The following ABTB2 variants were observed in gnomAD, a reference collection of about 807,000 sequenced individuals.
ABTB2 encodes ankyrin repeat and BTB domain containing 2, also known as ankyrin repeat and BTB/POZ domain-containing protein 2.
ABTB2 carries 56 observed loss-of-function variants against 104.1 expected under a neutral mutation model. That is an observed-to-expected ratio of 0.54 (90% CI 0.43 to 0.67). The LOEUF (loss-of-function observed/expected upper bound fraction) is 0.67. Among genes scored for constraint, ABTB2 ranks in the 30% least tolerant of loss-of-function variants. The pLI is 0.00. For synonymous variants in ABTB2, 606 were observed against 608.2 expected (o/e 1.00, Z 0.05); for missense variants, 1,279 against 1,407.7 (o/e 0.91, Z 1.46).
At chr11:34,293,374 G>A (rs1163682980) in intron 1 of ABTB2, among the ~76,000 whole-genome samples, 1 of 152,124 alleles carries the variant, frequency 6.6e-6, no homozygotes, top group African/African-American at 2.4e-5. Flanking sequence ...TAGTACTTGC[G>A]AAGTGACTCT....
Position 34,331,077 on chromosome 11 carries a change from C to G in ABTB2, c.883+25624G>C, listed in dbSNP as rs368206475. Among the ~76,000 whole-genome samples the G allele has an allele frequency of 2.2e-4, 33 of 152,212 alleles. No homozygotes were observed. In the South Asian group the frequency reaches 6.8e-3, roughly 32 times the overall value. ...TGTTCCACCAGCACATCCCATAAAACGAGGGAGTTCTGGGTTTCAAATGGG... is the reference window on the plus strand; with the variant it reads ...TGTTCCACCAGCACATCCCATAAAAGGAGGGAGTTCTGGGTTTCAAATGGG... On this transcript the variant is annotated intron_variant, in intron 1 of 16. Coordinates refer to ENST00000435224, the MANE Select transcript of ABTB2 (RefSeq NM_145804.3).
In ABTB2 at chr11:34,210,359, C is replaced by T. The variant is rs572444436; in HGVS notation, c.884-5669G>A. 1.3e-5 allele frequency among the ~76,000 whole-genome samples: 2 copies of T among 152,350 alleles called. 1 individual carries two copies. Among genetic ancestry groups the T allele is most frequent in the South Asian group, 4.1e-4 (2 of 4,832 alleles). On this transcript the variant is annotated intron_variant, in intron 1 of 16. Transcript: ENST00000435224. ...CACCATTTAACTTGTGAATTGTCAACAGTGGGAACACAGAGACCTTGTTTT... is the reference window on the plus strand; with the variant it reads ...CACCATTTAACTTGTGAATTGTCAATAGTGGGAACACAGAGACCTTGTTTT...
At chr11:34,348,625 A>C (rs1244293676) in intron 1 of ABTB2, among the ~76,000 whole-genome samples, 2 of 152,136 alleles carry the variant, frequency 1.3e-5, no homozygotes, top group African/African-American at 4.8e-5. Flanking sequence ...CCTTCCACCC[A>C]GACAGCCAGG....
In ABTB2 at chr11:34,171,052, A is replaced by C. The variant is rs776851878; in HGVS notation, c.1417T>G (p.Ser473Ala). 1 of 1,614,162 alleles carries C rather than the reference A, an allele frequency of 6.2e-7. No individual in the cohort carries two copies. The highest frequency in any genetic ancestry group is 8.5e-7 in the Non-Finnish European group (1 of 1,180,012). Residue 473 changes from serine to alanine, a missense_variant, in exon 5 of 17, where the codon TCC becomes GCC. Physicochemically the swap from Ser to Ala is moderately conservative, Grantham distance 99. Transcript: ENST00000435224. ...GCTCGGGCATCCAGCCTCCGGAAGG[A>C]ACTGAAACAGTGTTCGGGTCTGCCC... ...RQLKPEHCFS[S>A]FRRLDARAAT... is the part of the protein sequence containing the mutation.
intron 1 of ABTB2, among the ~76,000 whole-genome samples, chr11:34,337,284 G>A (rs1590261690): frequency 6.6e-6 from 1 of 152,310 alleles, no homozygotes; most frequent in East Asian, 1.9e-4. Flanking sequence ...AGGAGGCAGG[G>A]GTTGAGGAGG....
chr11:34,198,703 A>G (rs1475377341), intron 2 of ABTB2, among the ~76,000 whole-genome samples: 1 of 152,048 alleles, frequency 6.6e-6, no homozygotes, highest in Non-Finnish European at 1.5e-5. Flanking sequence ...ATATCCTGTG[A>G]TGTGTTTCTA....
intron 1 of ABTB2, among the ~76,000 whole-genome samples, chr11:34,218,990 T>C (rs562043682): frequency 3.2e-4 from 49 of 152,244 alleles, no homozygotes; most frequent in African/African-American, 1.1e-3. Context: ...AAATTTACCA[T>C]GCTGTTCTCA....
At chr11:34,286,498 G>T (rs1854508016) in intron 1 of ABTB2, among the ~76,000 whole-genome samples, 1 of 152,030 alleles carries the variant, frequency 6.6e-6, no homozygotes, top group Non-Finnish European at 1.5e-5. Context: ...TCACCATGTT[G>T]TCCAGGCTGG....
intron 3 of ABTB2, among the ~76,000 whole-genome samples, chr11:34,193,857 G>A (rs2982600): frequency 0.62 from 94,344 of 152,028 alleles, 29,456 homozygotes; most frequent in South Asian, 0.66. Context: ...TTCCCTGCAA[G>A]GCTGCCCGCT....
chr11:34,283,325 C>T (rs1418536454), intron 1 of ABTB2, among the ~76,000 whole-genome samples: 1 of 152,116 alleles, frequency 6.6e-6, no homozygotes, highest in Non-Finnish European at 1.5e-5. Context: ...AAGTGATTCT[C>T]ATGTCTCAGC....
chr11:34,237,257 C>T (rs1283271467), intron 1 of ABTB2, among the ~76,000 whole-genome samples: 1 of 149,440 alleles, frequency 6.7e-6, no homozygotes, highest in Non-Finnish European at 1.5e-5. Flanking sequence ...GCTGTGTCCT[C>T]GTGATTTTCC....
intron 1 of ABTB2, among the ~76,000 whole-genome samples, chr11:34,303,576 A>AAG (rs5790982): frequency 1.6e-4 from 5 of 31,574 alleles, no homozygotes; most frequent in Non-Finnish European, 2.6e-4. Flanking sequence ...AACTTAAATG[A>AAG]AAAAAAATAG....
At position 34,171,007 on chromosome 11, in the gene ABTB2, G is replaced by A. The variant is rs533713337; in HGVS notation, c.1462C>T (p.Gln488Ter). ...DARAATEKFN[Q>*]DLGFRMLNCG... ...TTGAGCATGCGGAAACCCAGGTCCT[G>A]GTTGAATTTTTCAGTAGCTGCTCGG... The change falls in exon 5 of 17, where the codon CAG becomes TAG. Residue 488 changes from glutamine to a stop codon, truncating the protein, a stop_gained. Transcript: ENST00000435224. LOFTEE classifies it high-confidence loss of function. 2 of 1,614,198 alleles carry A rather than the reference G, an allele frequency of 1.2e-6. No homozygotes were observed. Among genetic ancestry groups the A allele is most frequent in the Non-Finnish European group, 1.7e-6 (2 of 1,180,044 alleles).
intron 1 of ABTB2, among the ~76,000 whole-genome samples, chr11:34,346,940 TA>T (rs1280386003): frequency 6.6e-6 from 1 of 152,118 alleles, no homozygotes; most frequent in Non-Finnish European, 1.5e-5. Flanking sequence ...ATGTACAGAC[TA>T]AAAAAAGTTG....
intron 1 of ABTB2, among the ~76,000 whole-genome samples, chr11:34,321,780 C>G (rs1394209758): frequency 2.0e-5 from 3 of 152,216 alleles, no homozygotes; most frequent in Admixed American, 6.5e-5. Flanking sequence ...CTCAAGACCC[C>G]AAACCAAGGG....
chr11:34,335,339 A>G (rs1855180962), intron 1 of ABTB2: 2 of 960,384 alleles, frequency 2.1e-6, no homozygotes, highest in East Asian at 2.4e-5. Context: ...CAGTAAAGTC[A>G]GCCCAATATC....
intron 6 of ABTB2, 97 bp downstream of exon 6, chr11:34,167,806 A>C (rs1852821206): frequency 5.5e-6 from 7 of 1,263,068 alleles, no homozygotes; most frequent in Non-Finnish European, 8.0e-6. Context: ...ACATCTACTC[A>C]GTTGCCCAAA....
rs150895047 is a variant in ABTB2, at chr11:34,172,672, C to T, written c.1397+483G>A. Among the ~76,000 whole-genome samples the T allele has an allele frequency of 2.3e-3, 357 of 152,146 alleles. 2 individuals carry two copies. The highest frequency in any genetic ancestry group is 7.8e-3 in the African/African-American group (322 of 41,514). On this transcript the variant is annotated intron_variant, in intron 4 of 16. Transcript: ENST00000435224. ...GTATCTGTGGGCAAGCTACTGTTCC[C>T]CTCTGACCCTCAGCTTCTTCATCTG...
chr11:34,285,331 G>T (rs1379373015), intron 1 of ABTB2, among the ~76,000 whole-genome samples: 1 of 152,110 alleles, frequency 6.6e-6, no homozygotes, highest in East Asian at 1.9e-4. Context: ...TCACTATCGG[G>T]GGTCCCTGGG....
Sources: gnomAD v4.1 joint callset for allele counts (sites outside exome capture counted in the v4.1 genomes callset) on GRCh38, gnomAD v4.1.1 for gene constraint, MANE v1.5 for transcripts, NCBI Gene and HGNC (gene_info 2026-07-23, HGNC 2026-07-21) for gene names.